Variants in UGCG observed in about 807,000 individuals in gnomAD.
The protein encoded by UGCG is UDP-glucose ceramide glucosyltransferase, also known as ceramide glucosyltransferase.
Under a neutral mutation model 49.5 loss-of-function variants are expected in UGCG, and 10 were observed. The ratio of observed to expected loss-of-function variants is 0.20; its 90% CI spans 0.12 to 0.34. The LOEUF is 0.34. Among genes scored for constraint, UGCG ranks in the 10% least tolerant of loss-of-function variants. The pLI, the probability that UGCG is intolerant of heterozygous loss-of-function variation, is 1.00. For synonymous variants in UGCG, 182 were observed against 158.2 expected, an observed-to-expected ratio of 1.15 and a Z score of -1.13; for missense variants, 312 against 483.7, an observed-to-expected ratio of 0.65 and a Z score of 3.33.
intron 1 of UGCG, among the ~76,000 whole-genome samples, chr9:111,898,814 A>G (rs1016850428): frequency 1.1e-4 from 16 of 151,938 alleles, no homozygotes; most frequent in African/African-American, 3.9e-4. Flanking sequence ...AGAGAGAGAG[A>G]AGGAGGGAGG....
chr9:111,903,782 G>A (rs73530544), intron 1 of UGCG, among the ~76,000 whole-genome samples: 18,513 of 152,022 alleles, frequency 0.12, 1,568 homozygotes, highest in East Asian at 0.27. Context: ...TTTTTGTAGA[G>A]ACGGGGTTCC....
rs1433154079 is a variant in UGCG, at chr9:111,933,414, AGAT to A, written c.*418_*420del. The A allele has an allele frequency of 6.6e-6, 1 of 152,214 alleles. No homozygotes were observed. Among genetic ancestry groups the A allele is most frequent in the Non-Finnish European group, 1.5e-5 (1 of 68,064 alleles). 9.4% of individuals were successfully genotyped at this position (152,214 alleles called of 1,614,324 possible). A position where few individuals can be genotyped will look rare whatever the true frequency, so the allele number is the denominator to read the frequency against. ...CAGCAGCTTTGCTTTAGAGTTTAGA[AGAT>A]AATAGAAGGAATGACTATTCATGTC... On this transcript the variant is annotated 3_prime_UTR_variant, in exon 9 of 9. Coordinates refer to ENST00000374279, the MANE Select transcript of UGCG (RefSeq NM_003358.3).
chr9:111,919,347 G>A (rs4551439), intron 2 of UGCG, among the ~76,000 whole-genome samples: 51,711 of 151,910 alleles, frequency 0.34, 9,182 homozygotes, highest in Admixed American at 0.42. Context: ...GCCAGGTGTG[G>A]TGGTGCACAC....
At position 111,896,970 on chromosome 9, in the gene UGCG, G is replaced by C. The variant is rs1248600633; in HGVS notation, c.-246G>C. 1.4e-5 allele frequency: 3 copies of C among 212,878 alleles called. No homozygotes were observed. The highest frequency in any genetic ancestry group is 2.7e-5 in the Non-Finnish European group (3 of 111,882). The allele number at this position is 212,878 out of a possible 1,614,324, so 13.2% of individuals were successfully genotyped here. On this transcript the variant is annotated 5_prime_UTR_variant, in exon 1 of 9. Coordinates refer to ENST00000374279, the MANE Select transcript of UGCG (RefSeq NM_003358.3). ...GACCGCGGTCGCCCCGACCAGAGCC[G>C]GGAGACCGCAGCACCCGCAGCCGCC...
At chr9:111,931,245 T>A in intron 6 of UGCG, 26 bp from the exon 7 acceptor site, 2 of 1,609,366 alleles carry the variant, frequency 1.2e-6, no homozygotes, top group Non-Finnish European at 1.7e-6. Flanking sequence ...CATCATAACT[T>A]ATTTTCTAAT....
intron 1 of UGCG, among the ~76,000 whole-genome samples, chr9:111,911,931 TATATATATATATATATATATA>T (rs1462017228): frequency 1.5e-4 from 4 of 26,876 alleles, no homozygotes; most frequent in African/African-American, 6.3e-4. Context: ...TATATATATA[TATATATATATATATATATATA>T]TATATTCAAC....
At position 111,897,287 on chromosome 9, in the gene UGCG, G is replaced by A; in HGVS notation, c.72G>A (p.Leu24=). The A allele has an allele frequency of 1.3e-6, 2 of 1,560,116 alleles. No homozygotes were observed. The highest frequency in any genetic ancestry group is 1.7e-6 in the Non-Finnish European group (2 of 1,152,446). Residue 24 remains leucine (L), a synonymous_variant, in exon 1 of 9, where the codon CTG becomes CTA. Coordinates refer to ENST00000374279, the MANE Select transcript of UGCG (RefSeq NM_003358.3). ...FGFVLFLVLW[L]MHFMAIIYTR... is the part of the protein sequence containing the mutation. Reference sequence around the variant, plus strand: ...TCGTCCTCTTCTTGGTGCTGTGGCTGATGCATTTCATGGCTATCATCTACA... The same window carrying A: ...TCGTCCTCTTCTTGGTGCTGTGGCTAATGCATTTCATGGCTATCATCTACA...
At chr9:111,923,901 G>T in intron 3 of UGCG, among the ~76,000 whole-genome samples, 1 of 152,090 alleles carries the variant, frequency 6.6e-6, no homozygotes, top group Non-Finnish European at 1.5e-5. Context: ...AAAGTGCTGG[G>T]ATTATAGCCT....
chr9:111,908,429 C>T (rs764797866), intron 1 of UGCG, among the ~76,000 whole-genome samples: 26 of 152,166 alleles, frequency 1.7e-4, no homozygotes, highest in Admixed American at 9.8e-4. Context: ...GAGCATAGTA[C>T]GTGGAAGGAG....
chr9:111,918,787 C>T (rs575760052), intron 2 of UGCG, among the ~76,000 whole-genome samples: 2 of 150,610 alleles, frequency 1.3e-5, no homozygotes, highest in East Asian at 1.9e-4. Context: ...TAGCTGGGCG[C>T]AGTGGCGGGT....
chr9:111,922,400 C>T (rs958776906), intron 2 of UGCG, among the ~76,000 whole-genome samples: 1 of 152,054 alleles, frequency 6.6e-6, no homozygotes, highest in African/African-American at 2.4e-5. Context: ...TTTGTTGCAC[C>T]TTCATGAAAT....
intron 5 of UGCG, among the ~76,000 whole-genome samples, chr9:111,927,128 C>T (rs1178159361): frequency 6.6e-6 from 1 of 152,030 alleles, no homozygotes; most frequent in Non-Finnish European, 1.5e-5. Flanking sequence ...GCCTCAGCCT[C>T]CCAAAGTGCT....
chr9:111,934,138 T>G lies in UGCG; in HGVS notation c.*1141T>G, dbSNP rs902924591. ...AAGTCTACTGTGTGTGTTTTTTTTT[T>G]TTGTTTTTTGTTTTTGTTTGTTTAC... On this transcript the variant is annotated 3_prime_UTR_variant, in exon 9 of 9. Transcript: ENST00000374279. 2.6e-5 allele frequency: 4 copies of G among 151,744 alleles called. No homozygotes were observed. Among genetic ancestry groups the G allele is most frequent in the Admixed American group, 6.6e-5 (1 of 15,226 alleles). 9.4% of individuals were successfully genotyped at this position (151,744 alleles called of 1,614,324 possible). A position where few individuals can be genotyped will look rare whatever the true frequency, so the allele number is the denominator to read the frequency against.
At chr9:111,915,694 AGAT>A in intron 2 of UGCG, 1 of 748,826 alleles carries the variant, frequency 1.3e-6, no homozygotes, top group Non-Finnish European at 1.6e-6. Flanking sequence ...ATCAGAAGGA[AGAT>A]GATATGCGCA....
chr9:111,909,188 A>G (rs540168399), intron 1 of UGCG, among the ~76,000 whole-genome samples: 4 of 152,326 alleles, frequency 2.6e-5, no homozygotes, highest in Admixed American at 1.3e-4. Context: ...CCAAAGTGCT[A>G]GAATTATAAG....
intron 1 of UGCG, among the ~76,000 whole-genome samples, chr9:111,897,804 C>T (rs1209032850): frequency 6.6e-6 from 1 of 151,712 alleles, no homozygotes. Context: ...TGTGAAGCAC[C>T]TGTCCACCCT....
chr9:111,929,245 A>G (rs769035233), intron 5 of UGCG: 5 of 332,398 alleles, frequency 1.5e-5, no homozygotes, highest in Non-Finnish European at 2.7e-5. Flanking sequence ...TTAATATTTT[A>G]TATATCAATG....
chr9:111,904,986 A>G (rs1343617989), intron 1 of UGCG, among the ~76,000 whole-genome samples: 1 of 152,192 alleles, frequency 6.6e-6, no homozygotes, highest in Non-Finnish European at 1.5e-5. Flanking sequence ...AAAATTAGCC[A>G]GAGGCAGTGG....
chr9:111,932,070 C>A, intron 7 of UGCG, 100 bp from the exon 8 acceptor site: 7 of 1,233,070 alleles, frequency 5.7e-6, no homozygotes, highest in African/African-American at 1.5e-5. Flanking sequence ...AATGGTCTTT[C>A]TATCACAGGG....
Sources: gnomAD v4.1 joint callset for allele counts (sites outside exome capture counted in the v4.1 genomes callset) on GRCh38, gnomAD v4.1.1 for gene constraint, MANE v1.5 for transcripts, NCBI Gene and HGNC (gene_info 2026-07-23, HGNC 2026-07-21) for gene names.